Variants in C1orf105 observed in about 807,000 individuals in gnomAD.
C1orf105 encodes uncharacterized protein C1orf105.
Under a neutral mutation model 20.8 loss-of-function variants are expected in C1orf105, and 17 were observed. The observed-to-expected ratio is 0.82, with a 90% confidence interval of 0.56 to 1.23. C1orf105 has a LOEUF of 1.23. Ranked by LOEUF, C1orf105 falls within the 50% of genes most tolerant of loss-of-function variation. The pLI, the probability that C1orf105 is intolerant of heterozygous loss-of-function variation, is 0.00. For missense variants in C1orf105, 219 were observed against 213.5 expected (o/e 1.03, Z -0.16); for synonymous variants, 72 against 72.1 (o/e 1.00, Z 0.01).
chr1:172,468,542 A>G lies in C1orf105; in HGVS notation c.500A>G (p.Gln167Arg). The G allele has an allele frequency of 6.2e-7, 1 of 1,614,058 alleles. No individual in the cohort carries two copies. Among genetic ancestry groups the G allele is most frequent in the Non-Finnish European group, 8.5e-7 (1 of 1,179,926 alleles). Residue 167 changes from glutamine to arginine, a missense_variant, in exon 7 of 7, where the codon CAA (glutamine) becomes CGA (arginine). By Grantham distance (43) the Gln-to-Arg change is conservative. Coordinates refer to ENST00000367727, the MANE Select transcript of C1orf105 (RefSeq NM_139240.4). ...GCCTACAAAACTCTAAAAGAGAGAC[A>G]ACGTTCTTCCTTGCCCAGAAAGGAA... ...TEAYKTLKERQRSSLPRKEPI... is the reference protein window; with the variant it reads ...TEAYKTLKERRRSSLPRKEPI...
chr1:172,439,053 C>CA (rs1474049503), intron 1 of C1orf105, among the ~76,000 whole-genome samples: 1 of 152,068 alleles, frequency 6.6e-6, no homozygotes, highest in African/African-American at 2.4e-5. Flanking sequence ...ACTGGAAAAC[C>CA]AAAAAATTCA....
intron 4 of C1orf105, among the ~76,000 whole-genome samples, chr1:172,458,466 A>G (rs1649468694): frequency 6.6e-6 from 1 of 152,244 alleles, no homozygotes; most frequent in African/African-American, 2.4e-5. Flanking sequence ...AATAGCATCA[A>G]AAATTATTTA....
intron 1 of C1orf105, among the ~76,000 whole-genome samples, chr1:172,427,956 T>G (rs1243324786): frequency 6.6e-6 from 1 of 152,152 alleles, no homozygotes; most frequent in Non-Finnish European, 1.5e-5. Context: ...CCTTCAACAT[T>G]TCAGGCTGAA....
At position 172,445,121 on chromosome 1, in the gene C1orf105, C is replaced by T. The variant is rs567604627; in HGVS notation, c.70C>T (p.Leu24Phe). 1.8e-5 allele frequency: 29 copies of T among 1,613,500 alleles called. No individual in the cohort carries two copies. The South Asian group carries it at 3.2e-4, about 18-fold the overall frequency. Residue 24 changes from leucine (L) to phenylalanine (F), a missense_variant, in exon 2 of 7, where the codon CTT (leucine) becomes TTT (phenylalanine). Leu to Phe is a conservative substitution (Grantham distance 22). Coordinates refer to ENST00000367727, the MANE Select transcript of C1orf105 (RefSeq NM_139240.4). ...GATTCCTTGGCTTAGTGAGGCCAGC[C>T]TTGTAAACAAGCCATTAGTGCTCAG... ...DKIPWLSEAS[L>F]VNKPLVLSLP...
chr1:172,453,162 C>T, intron 3 of C1orf105: 1 of 1,551,036 alleles, frequency 6.4e-7, no homozygotes, highest in East Asian at 2.4e-5. Context: ...TTCTTGGAGG[C>T]CAGGCTTCAG....
intron 5 of C1orf105, among the ~76,000 whole-genome samples, chr1:172,462,833 C>T (rs924244622): frequency 7.9e-5 from 12 of 151,972 alleles, no homozygotes; most frequent in African/African-American, 2.2e-4. Flanking sequence ...AGTGCAGTGG[C>T]GCAATCTTGG....
rs118058524 is a variant in C1orf105, at chr1:172,457,067, G to A, written c.273+578G>A. Among the ~76,000 whole-genome samples, 978 of 152,250 alleles carry A rather than the reference G, an allele frequency of 6.4e-3. 18 individuals carry two copies. The highest frequency in any genetic ancestry group is 0.049 in the East Asian group (252 of 5,164). On this transcript the variant is annotated intron_variant, in intron 4 of 6. Transcript: ENST00000367727. ...AAGGAAAGCAAGGGAGATGTGGAGG[G>A]AACAAAGACAAACTTCTGCCATGCC...
intron 3 of C1orf105, among the ~76,000 whole-genome samples, chr1:172,453,644 G>A (rs1427558865): frequency 1.3e-5 from 2 of 152,128 alleles, no homozygotes; most frequent in Non-Finnish European, 2.9e-5. Context: ...TAGGTTCTAG[G>A]AATACAAAGA....
intron 1 of C1orf105, chr1:172,444,069 T>C (rs1573858954): frequency 2.0e-6 from 2 of 998,774 alleles, no homozygotes; most frequent in Non-Finnish European, 2.4e-6. Context: ...GCTGCGACTG[T>C]GGCCAAGCAC....
At chr1:172,424,216 G>A (rs2071665042) in intron 1 of C1orf105, among the ~76,000 whole-genome samples, 1 of 152,152 alleles carries the variant, frequency 6.6e-6, no homozygotes, top group Admixed American at 6.5e-5. Flanking sequence ...AATAAAGAAA[G>A]CCTAAGCAAG....
intron 3 of C1orf105, among the ~76,000 whole-genome samples, chr1:172,454,136 A>C (rs1457318548): frequency 6.6e-6 from 1 of 152,144 alleles, no homozygotes; most frequent in East Asian, 1.9e-4. Flanking sequence ...TGAAGGAAAT[A>C]ATTTCAGTGA....
At chr1:172,453,160 G>A in intron 3 of C1orf105, 1 of 1,551,082 alleles carries the variant, frequency 6.4e-7, no homozygotes, top group Non-Finnish European at 8.7e-7. Context: ...TCTTCTTGGA[G>A]GCCAGGCTTC....
At chr1:172,446,216 T>C (rs1232160972) in intron 2 of C1orf105, among the ~76,000 whole-genome samples, 2 of 152,188 alleles carry the variant, frequency 1.3e-5, no homozygotes. Flanking sequence ...AAGCAGATTA[T>C]CAGAGGTTCA....
At chr1:172,441,428 G>T in intron 1 of C1orf105, 2 of 236,792 alleles carry the variant, frequency 8.4e-6, no homozygotes, top group Non-Finnish European at 1.6e-5. Context: ...TCTGCCTCCT[G>T]TTTATGGAAA....
At chr1:172,429,777 C>CT (rs112586965) in intron 1 of C1orf105, among the ~76,000 whole-genome samples, 9,168 of 152,284 alleles carry the variant, frequency 0.06, 311 homozygotes, top group African/African-American at 0.088. Flanking sequence ...ATGCACAAGC[C>CT]TTCTAGTTAC....
At chr1:172,444,212 A>G in intron 1 of C1orf105, 1 of 985,988 alleles carries the variant, frequency 1.0e-6, no homozygotes, top group Non-Finnish European at 1.2e-6. Context: ...CCAAACCCGA[A>G]TGCTCTGAGC....
Position 172,465,337 on chromosome 1 carries a change from A to G in C1orf105, c.380A>G (p.Glu127Gly). ...LHQPKFQTTP[E>G]PFHDDIPTES... ...CAACCCAAATTCCAGACTACACCTG[A>G]GCCTTTCCATGATGACATCCCAACA... is the stretch of plus-strand genomic sequence containing the variant. The change falls in exon 6 of 7, where the codon GAG (glutamate) becomes GGG (glycine). Residue 127 changes from glutamate (E) to glycine (G), a missense_variant. Glu to Gly is a moderately conservative substitution (Grantham distance 98, BLOSUM62 -2). Transcript: ENST00000367727. 1 of 1,613,128 alleles carries G rather than the reference A, an allele frequency of 6.2e-7. No individual in the cohort carries two copies. The highest frequency in any genetic ancestry group is 1.7e-4 in the Middle Eastern group (1 of 6,056).
rs193107759 is a variant in C1orf105, at chr1:172,453,297, C to T, written c.199-3118C>T. The T allele has an allele frequency of 3.2e-3, 4,140 of 1,285,730 alleles. 17 individuals are homozygous for T. The highest frequency in any genetic ancestry group is 8.4e-3 in the Middle Eastern group (44 of 5,234). 79.6% of individuals were successfully genotyped at this position (1,285,730 alleles called of 1,614,324 possible). On this transcript the variant is annotated intron_variant, in intron 3 of 6. Coordinates refer to ENST00000367727, the MANE Select transcript of C1orf105 (RefSeq NM_139240.4). ...TCTTTTTGAACACAAAGACCATTAT[C>T]GGTAGGGGAAGGGAGACTTGGAGAG...
intron 1 of C1orf105, chr1:172,444,216 T>G (rs1647705590): frequency 1.0e-6 from 1 of 985,766 alleles, no homozygotes; most frequent in Admixed American, 6.1e-5. Context: ...ACCCGAATGC[T>G]CTGAGCCTAG....
Sources: allele counts gnomAD v4.1 joint callset (sites outside exome capture counted in the v4.1 genomes callset), GRCh38; gene constraint gnomAD v4.1.1; transcripts MANE v1.5; gene names NCBI Gene and HGNC (gene_info 2026-07-23, HGNC 2026-07-21).